Variants in PINX1 observed in about 807,000 individuals in gnomAD.
PINX1 encodes the protein PIN2 (TERF1) interacting telomerase inhibitor 1, also known as PIN2/TERF1-interacting telomerase inhibitor 1.
A neutral mutation model predicts 25.4 loss-of-function variants in PINX1; 34 were observed. That is an observed-to-expected ratio of 1.34 (90% CI 1.02 to 1.78). PINX1 has a LOEUF of 1.78. PINX1 is among the 40% of genes most tolerant of loss of function. The probability of loss-of-function intolerance (pLI) is 0.00; values close to 1 mark genes in which losing one functional copy is unlikely to be tolerated. For synonymous variants in PINX1, 197 were observed against 147.7 expected, an observed-to-expected ratio of 1.33 and a Z score of -2.42; for missense variants, 592 against 404.9, an observed-to-expected ratio of 1.46 and a Z score of -3.97.
chr8:10,792,530 G>A (rs1479721557), intron 6 of PINX1, among the ~76,000 whole-genome samples: 1 of 152,084 alleles, frequency 6.6e-6, no homozygotes, highest in Non-Finnish European at 1.5e-5. Flanking sequence ...AAGAGCGCCT[G>A]GCACCCGCCA....
intron 6 of PINX1, among the ~76,000 whole-genome samples, chr8:10,768,155 C>G (rs13281816): frequency 6.6e-6 from 1 of 151,138 alleles, no homozygotes; most frequent in Non-Finnish European, 1.5e-5. Context: ...CACAGCCACA[C>G]AGAGACAGAC....
chr8:10,789,343 G>A (rs1018562180), intron 6 of PINX1, among the ~76,000 whole-genome samples: 6 of 152,344 alleles, frequency 3.9e-5, no homozygotes, highest in Non-Finnish European at 5.9e-5. Flanking sequence ...GCCATGTGAT[G>A]TTTTGACCTA....
intron 6 of PINX1, among the ~76,000 whole-genome samples, chr8:10,802,324 C>G (rs1802291315): frequency 1.3e-5 from 2 of 152,132 alleles, no homozygotes; most frequent in Non-Finnish European, 1.5e-5. Context: ...CAGCAGGTCA[C>G]TCATACACTG....
chr8:10,765,704 G>A lies in PINX1; in HGVS notation c.684C>T (p.Leu228=), dbSNP rs17152322. 6.2e-7 allele frequency: 1 copy of A among 1,614,002 alleles called. No individual in the cohort carries two copies. The highest frequency in any genetic ancestry group is 2.2e-5 in the East Asian group (1 of 44,872). Residue 228 remains leucine, a synonymous_variant, in exon 7 of 7, where the codon CTC becomes CTT. Transcript: ENST00000314787. ...CCGTGTGCCTCTTGGCCTTAGGCTGGAGGTAACTTTCCACATCTTTACCTG... is the reference window on the plus strand; with the variant it reads ...CCGTGTGCCTCTTGGCCTTAGGCTGAAGGTAACTTTCCACATCTTTACCTG... ...EATGKDVESY[L]QPKAKRHTEG...
At chr8:10,815,085 T>C (rs1437541768) in intron 6 of PINX1, among the ~76,000 whole-genome samples, 1 of 152,090 alleles carries the variant, frequency 6.6e-6, no homozygotes, top group African/African-American at 2.4e-5. Flanking sequence ...AGACTACAGG[T>C]GGATGCCACT....
chr8:10,773,498 T>A (rs1801294454), intron 6 of PINX1, among the ~76,000 whole-genome samples: 1 of 152,164 alleles, frequency 6.6e-6, no homozygotes, highest in South Asian at 2.1e-4. Flanking sequence ...GAACTCCGCT[T>A]GGAAGTTACA....
intron 6 of PINX1, among the ~76,000 whole-genome samples, chr8:10,778,931 C>T (rs1801497225): frequency 1.3e-5 from 2 of 152,188 alleles, no homozygotes; most frequent in South Asian, 4.1e-4. Context: ...AAAAGAGGGC[C>T]TGGCAAGCAT....
At chr8:10,822,219 G>A (rs1797899978) in intron 5 of PINX1, 1 of 152,312 alleles carries the variant, frequency 6.6e-6, no homozygotes, top group South Asian at 2.1e-4. Flanking sequence ...AAGTGACCTT[G>A]AGATAGTTAC....
chr8:10,788,810 G>A (rs1372460946), intron 6 of PINX1, among the ~76,000 whole-genome samples: 1 of 152,190 alleles, frequency 6.6e-6, no homozygotes, highest in Non-Finnish European at 1.5e-5. Context: ...CGCTGACTCA[G>A]ACAGCAAAGC....
Position 10,818,600 on chromosome 8 carries a change from A to C in PINX1, c.471+1593T>G, listed in dbSNP as rs186063840. 1.9e-4 allele frequency among the ~76,000 whole-genome samples: 29 copies of C among 152,278 alleles called. No individual in the cohort carries two copies. In the East Asian group the frequency reaches 4.6e-3, roughly 24 times the overall value. On this transcript the variant is annotated intron_variant, in intron 6 of 6. Transcript: ENST00000314787. ...GGGCAAAGGCTGGGGGTGGTGGGTG[A>C]GCAGCAGGCAGAAGAGAGGATCAAC...
intron 6 of PINX1, among the ~76,000 whole-genome samples, chr8:10,785,079 C>A (rs1022612254): frequency 4.3e-5 from 6 of 138,786 alleles, no homozygotes; most frequent in Non-Finnish European, 9.8e-5. Context: ...AGGAAAAAAA[C>A]TTCTTTTTAG....
chr8:10,776,585 T>C (rs1001913446), intron 6 of PINX1, among the ~76,000 whole-genome samples: 3 of 152,070 alleles, frequency 2.0e-5, no homozygotes, highest in Non-Finnish European at 4.4e-5. Flanking sequence ...CTTCCAAAAA[T>C]GGTAACACAG....
At chr8:10,798,632 A>C (rs1802164928) in intron 6 of PINX1, among the ~76,000 whole-genome samples, 1 of 152,242 alleles carries the variant, frequency 6.6e-6, no homozygotes, top group African/African-American at 2.4e-5. Flanking sequence ...CTTGGCAGTA[A>C]GCCAGGTAAA....
chr8:10,785,320 C>T (rs1801714180), intron 6 of PINX1, among the ~76,000 whole-genome samples: 1 of 152,184 alleles, frequency 6.6e-6, no homozygotes, highest in Non-Finnish European at 1.5e-5. Context: ...AGCAAGTTAA[C>T]CCATCAGAAT....
At chr8:10,820,332 T>C (rs1348360138) in intron 5 of PINX1, 63 bp from the exon 6 acceptor site, 3 of 1,142,358 alleles carry the variant, frequency 2.6e-6, no homozygotes, top group African/African-American at 3.0e-5. Context: ...AGCGCAGACA[T>C]GAACTATGCA....
intron 6 of PINX1, among the ~76,000 whole-genome samples, chr8:10,808,560 C>A (rs374488200): frequency 6.6e-6 from 1 of 152,284 alleles, no homozygotes; most frequent in Middle Eastern, 3.4e-3. Context: ...GATGATGTTA[C>A]TATTATCCCT....
chr8:10,787,165 T>C (rs756431833), intron 6 of PINX1, among the ~76,000 whole-genome samples: 11 of 151,954 alleles, frequency 7.2e-5, no homozygotes, highest in Non-Finnish European at 1.3e-4. Context: ...ATATTATATA[T>C]ATAAATGTAT....
At chr8:10,830,039 G>C (rs920174577) in intron 4 of PINX1, among the ~76,000 whole-genome samples, 39 of 152,186 alleles carry the variant, frequency 2.6e-4, no homozygotes, top group African/African-American at 8.7e-4. Flanking sequence ...GATGTTTTCT[G>C]TGTATAATTA....
At chr8:10,825,285 A>C in intron 5 of PINX1, 1 of 528,830 alleles carries the variant, frequency 1.9e-6, no homozygotes, top group Non-Finnish European at 3.9e-6. Flanking sequence ...TTCCTAGAAG[A>C]CCAAAGCAGA....
Sources: allele counts gnomAD v4.1 joint callset (sites outside exome capture counted in the v4.1 genomes callset), GRCh38; gene constraint gnomAD v4.1.1; transcripts MANE v1.5; gene names NCBI Gene and HGNC (gene_info 2026-07-23, HGNC 2026-07-21).